Variants in CACNA2D1 observed in about 807,000 individuals in gnomAD.
The protein encoded by CACNA2D1 is calcium voltage-gated channel auxiliary subunit alpha2delta 1.
CACNA2D1 carries 53 observed loss-of-function variants against 171.5 expected under a neutral mutation model. The observed-to-expected ratio is 0.31, with a 90% CI of 0.25 to 0.39. The LOEUF (loss-of-function observed/expected upper bound fraction) is 0.39, where lower values mean the gene tolerates loss of function less well. CACNA2D1 is among the 10% of genes least tolerant of loss of function. The pLI, the probability that CACNA2D1 is intolerant of heterozygous loss-of-function variation, is 1.00. For synonymous variants in CACNA2D1, 442 were observed against 443.1 expected (o/e 1.00, Z 0.03); for missense variants, 903 against 1,299.8 (o/e 0.69, Z 4.69).
At chr7:82,068,506 T>A (rs1250911561) in intron 7 of CACNA2D1, among the ~76,000 whole-genome samples, 1 of 152,054 alleles carries the variant, frequency 6.6e-6, no homozygotes. Flanking sequence ...TTATATCGGA[T>A]ATTCATAAAT....
At chr7:82,125,029 C>T (rs2129061758) in intron 5 of CACNA2D1, among the ~76,000 whole-genome samples, 1 of 152,204 alleles carries the variant, frequency 6.6e-6, no homozygotes, top group South Asian at 2.1e-4. Context: ...AAAATATAAT[C>T]ATTAAAGATT....
intron 4 of CACNA2D1, among the ~76,000 whole-genome samples, chr7:82,153,548 G>A (rs1360518618): frequency 6.6e-6 from 1 of 151,852 alleles, no homozygotes; most frequent in Non-Finnish European, 1.5e-5. Flanking sequence ...ATCTAAAGTG[G>A]TATCTAAAAT....
intron 15 of CACNA2D1, among the ~76,000 whole-genome samples, chr7:82,010,632 A>G (rs989343822): frequency 6.6e-6 from 1 of 152,120 alleles, no homozygotes; most frequent in Non-Finnish European, 1.5e-5. Flanking sequence ...TTAAGTAAAT[A>G]TGTGATGTCT....
chr7:82,252,439 C>T (rs1352914627), intron 3 of CACNA2D1, among the ~76,000 whole-genome samples: 2 of 152,160 alleles, frequency 1.3e-5, no homozygotes, highest in African/African-American at 4.8e-5. Flanking sequence ...ATTAAACATG[C>T]ATTGGCTCAT....
intron 4 of CACNA2D1, among the ~76,000 whole-genome samples, chr7:82,151,934 A>G (rs995065677): frequency 1.3e-5 from 2 of 152,090 alleles, no homozygotes; most frequent in African/African-American, 4.8e-5. Flanking sequence ...ACAAAACTAG[A>G]AGGAGGTATT....
At chr7:82,027,155 T>C (rs979206441) in intron 12 of CACNA2D1, among the ~76,000 whole-genome samples, 1 of 151,608 alleles carries the variant, frequency 6.6e-6, no homozygotes, top group African/African-American at 2.4e-5. Context: ...AGGGATATAG[T>C]AAATAATAAT....
chr7:82,155,361 T>C (rs945739338), intron 4 of CACNA2D1, among the ~76,000 whole-genome samples: 4 of 152,114 alleles, frequency 2.6e-5, no homozygotes, highest in African/African-American at 4.8e-5. Flanking sequence ...GATGTTCAGG[T>C]AGGTAAGCCA....
At chr7:81,957,633 T>G (rs1047542202) in intron 38 of CACNA2D1, among the ~76,000 whole-genome samples, 2 of 152,102 alleles carry the variant, frequency 1.3e-5, no homozygotes, top group Non-Finnish European at 2.9e-5. Context: ...TGCAATTTGC[T>G]GGCAGTTAAC....
chr7:82,221,476 G>A (rs1801754503), intron 3 of CACNA2D1, among the ~76,000 whole-genome samples: 3 of 152,120 alleles, frequency 2.0e-5, no homozygotes, highest in South Asian at 4.1e-4. Context: ...CGGGGGCGGT[G>A]GCTCAGGCCT....
chr7:82,013,638 C>CTAATACTG (rs1323810271), intron 13 of CACNA2D1, 128 bp from the exon 14 acceptor site: 1 of 265,014 alleles, frequency 3.8e-6, no homozygotes, highest in Admixed American at 5.9e-5. Context: ...CAAAACTGAG[C>CTAATACTG]TAATACTGAA....
chr7:81,962,086 T>TCC, intron 35 of CACNA2D1, 63 bp from the exon 36 acceptor site: 1 of 1,489,138 alleles, frequency 6.7e-7, no homozygotes, highest in Non-Finnish European at 9.3e-7. Context: ...CTGTAGTCAC[T>TCC]CCCCTCGAGT....
intron 4 of CACNA2D1, among the ~76,000 whole-genome samples, chr7:82,164,596 T>C (rs7777537): frequency 0.016 from 2,383 of 152,022 alleles, 63 homozygotes; most frequent in African/African-American, 0.052. Context: ...ACAGGAGTAA[T>C]AGCTGCTGGA....
chr7:82,365,423 T>A (rs1239250179), intron 1 of CACNA2D1, among the ~76,000 whole-genome samples: 1 of 152,232 alleles, frequency 6.6e-6, no homozygotes, highest in East Asian at 1.9e-4. Context: ...GACAATTCTC[T>A]TATAAGACTA....
chr7:82,276,626 G>A (rs1457402746), intron 3 of CACNA2D1, among the ~76,000 whole-genome samples: 1 of 152,100 alleles, frequency 6.6e-6, no homozygotes, highest in Non-Finnish European at 1.5e-5. Flanking sequence ...CAATAAATAT[G>A]TCTGCCATTT....
intron 3 of CACNA2D1, among the ~76,000 whole-genome samples, chr7:82,275,245 A>G (rs1298662396): frequency 6.6e-6 from 1 of 152,224 alleles, no homozygotes; most frequent in South Asian, 2.1e-4. Flanking sequence ...TCTGTCATGT[A>G]GTTCCCTAAA....
At chr7:82,207,766 AG>A (rs1432679660) in intron 3 of CACNA2D1, among the ~76,000 whole-genome samples, 1 of 152,202 alleles carries the variant, frequency 6.6e-6, no homozygotes, top group Non-Finnish European at 1.5e-5. Flanking sequence ...GTCTTGTTTA[AG>A]TGGAAGCAAC....
chr7:82,373,394 T>C (rs776651042), intron 1 of CACNA2D1, among the ~76,000 whole-genome samples: 88 of 152,348 alleles, frequency 5.8e-4, no homozygotes, highest in Non-Finnish European at 2.9e-4. Flanking sequence ...CACACACTTA[T>C]AGACTTGTTG....
At chr7:82,146,553 A>C (rs987913080) in intron 4 of CACNA2D1, among the ~76,000 whole-genome samples, 1 of 148,318 alleles carries the variant, frequency 6.7e-6, no homozygotes, top group African/African-American at 2.5e-5. Flanking sequence ...ACAGGTAAGA[A>C]GATTAAGCTA....
intron 6 of CACNA2D1, among the ~76,000 whole-genome samples, chr7:82,095,345 A>T (rs772574602): frequency 5.9e-5 from 9 of 152,112 alleles, no homozygotes; most frequent in Non-Finnish European, 1.2e-4. Flanking sequence ...TTCTTCTATT[A>T]AAATACTTCC....
Sources: allele counts gnomAD v4.1 joint callset (sites outside exome capture counted in the v4.1 genomes callset), GRCh38; gene constraint gnomAD v4.1.1; transcripts MANE v1.5; gene names NCBI Gene and HGNC (gene_info 2026-07-23, HGNC 2026-07-21).